DNAH9: variants seen among roughly 807,000 people sequenced by gnomAD.
DNAH9 encodes the protein DNAH9 variant protein.
DNAH9 carries 345 observed loss-of-function variants against 471.6 expected under a neutral mutation model. That is an observed-to-expected ratio of 0.73 (90% CI 0.67 to 0.80). The LOEUF (loss-of-function observed/expected upper bound fraction) is 0.80. Among genes scored for constraint, DNAH9 ranks in the 30% least tolerant of loss-of-function variants. The pLI is 0.00. For missense variants in DNAH9, 5,407 were observed against 5,609.2 expected, an observed-to-expected ratio of 0.96 and a Z score of 1.15; for synonymous variants, 2,093 against 2,123.6, an observed-to-expected ratio of 0.99 and a Z score of 0.40.
chr17:11,810,294 A>G lies in DNAH9; in HGVS notation c.8632A>G (p.Thr2878Ala). The G allele has an allele frequency of 6.2e-7, 1 of 1,613,852 alleles. No individual in the cohort carries two copies. The highest frequency in any genetic ancestry group is 1.1e-5 in the South Asian group (1 of 90,986). Reference sequence around the variant, plus strand: ...GAAAGCTGGAGTGAAGAATCTCAACACAGTGTTTCTCATGACTGATGCCCA... The same window carrying G: ...GAAAGCTGGAGTGAAGAATCTCAACGCAGTGTTTCTCATGACTGATGCCCA... The part of the protein sequence containing the change: ...CLKAGVKNLN[T>A]VFLMTDAQVA... Residue 2878 changes from threonine (T) to alanine (A), a missense_variant, in exon 45 of 69, where the codon ACA becomes GCA. Thr to Ala is a moderately conservative substitution (Grantham distance 58). Transcript: ENST00000262442.
At chr17:11,599,798 C>T (rs1271675870) in intron 1 of DNAH9, among the ~76,000 whole-genome samples, 2 of 152,196 alleles carry the variant, frequency 1.3e-5, no homozygotes, top group Non-Finnish European at 2.9e-5. Flanking sequence ...GGGCAGAATA[C>T]TGGCTGTATG....
At chr17:11,842,585 A>G (rs975604053) in intron 49 of DNAH9, among the ~76,000 whole-genome samples, 49 of 152,296 alleles carry the variant, frequency 3.2e-4, no homozygotes, top group African/African-American at 1.1e-3. Context: ...GTCTGTGGCC[A>G]AGGGCCTGAG....
intron 1 of DNAH9, among the ~76,000 whole-genome samples, chr17:11,604,734 A>C (rs6502158): frequency 0.052 from 7,831 of 152,008 alleles, 663 homozygotes; most frequent in African/African-American, 0.18. Flanking sequence ...CAATTTGTTA[A>C]CACATCCTAT....
At chr17:11,815,235 A>G (rs1443218314) in intron 45 of DNAH9, among the ~76,000 whole-genome samples, 3 of 151,990 alleles carry the variant, frequency 2.0e-5, no homozygotes, top group Non-Finnish European at 4.4e-5. Flanking sequence ...GTCCTATACA[A>G]GTTACTCAAG....
intron 28 of DNAH9, among the ~76,000 whole-genome samples, chr17:11,729,273 C>T (rs1056128582): frequency 6.6e-6 from 1 of 152,108 alleles, no homozygotes; most frequent in Non-Finnish European, 1.5e-5. Flanking sequence ...TTCTATTCCA[C>T]ATGCCTCCCT....
intron 19 of DNAH9, among the ~76,000 whole-genome samples, chr17:11,684,916 C>T (rs914418350): frequency 6.6e-6 from 1 of 152,166 alleles, no homozygotes; most frequent in Non-Finnish European, 1.5e-5. Flanking sequence ...AGAGACATAT[C>T]GGTTTCCTAA....
intron 5 of DNAH9, among the ~76,000 whole-genome samples, chr17:11,619,088 G>C (rs1240633399): frequency 6.6e-6 from 1 of 152,254 alleles, no homozygotes; most frequent in African/African-American, 2.4e-5. Context: ...GATGATGTCA[G>C]CCAGACCCAG....
intron 55 of DNAH9, among the ~76,000 whole-genome samples, chr17:11,883,339 T>G (rs1224206281): frequency 6.6e-6 from 1 of 152,138 alleles, no homozygotes; most frequent in Non-Finnish European, 1.5e-5. Context: ...ACAGAAATCC[T>G]AAAAGTTGGG....
intron 27 of DNAH9, among the ~76,000 whole-genome samples, chr17:11,724,882 T>C (rs2075125053): frequency 2.0e-5 from 3 of 152,222 alleles, no homozygotes; most frequent in African/African-American, 7.2e-5. Flanking sequence ...CAACTCACCA[T>C]CATGTAGAAT....
chr17:11,889,832 G>A (rs568190766), intron 57 of DNAH9, among the ~76,000 whole-genome samples: 6 of 152,232 alleles, frequency 3.9e-5, no homozygotes, highest in South Asian at 4.2e-4. Flanking sequence ...TACAAAAGCC[G>A]ATGAGTATAT....
chr17:11,652,279 G>GTTT (rs1192460505), intron 13 of DNAH9, among the ~76,000 whole-genome samples: 1 of 72,952 alleles, frequency 1.4e-5, no homozygotes, highest in African/African-American at 5.1e-5. Context: ...GTAAGGGTAG[G>GTTT]CTTTTTTTTT....
At chr17:11,781,847 AC>A (rs772939041) in intron 39 of DNAH9, among the ~76,000 whole-genome samples, 12,347 of 142,252 alleles carry the variant, frequency 0.087, 1,008 homozygotes, top group African/African-American at 0.13. Flanking sequence ...AAAAAAACAA[AC>A]AAAAAAAAAA....
chr17:11,783,089 C>T (rs1022649788), intron 39 of DNAH9, among the ~76,000 whole-genome samples: 2 of 152,124 alleles, frequency 1.3e-5, no homozygotes, highest in Non-Finnish European at 2.9e-5. Flanking sequence ...CCAAGAAATC[C>T]TTTGCAAGCT....
intron 61 of DNAH9, among the ~76,000 whole-genome samples, chr17:11,918,940 C>T (rs1045951042): frequency 1.3e-5 from 2 of 151,892 alleles, no homozygotes; most frequent in Admixed American, 6.5e-5. Context: ...GAGCTGAGAT[C>T]GTGCCACTGC....
intron 28 of DNAH9, among the ~76,000 whole-genome samples, chr17:11,738,498 A>G (rs2150830909): frequency 6.6e-6 from 1 of 152,274 alleles, no homozygotes; most frequent in Admixed American, 6.5e-5. Flanking sequence ...CTCCTGCCTC[A>G]GCCTCCCGAG....
chr17:11,604,387 A>G (rs1417903645), intron 1 of DNAH9, among the ~76,000 whole-genome samples: 2 of 151,544 alleles, frequency 1.3e-5, no homozygotes, highest in East Asian at 1.9e-4. Flanking sequence ...TCTTCTCTCT[A>G]TATACACCCA....
chr17:11,900,594 T>C (rs1376346960), intron 59 of DNAH9, among the ~76,000 whole-genome samples: 1 of 152,024 alleles, frequency 6.6e-6, no homozygotes, highest in African/African-American at 2.4e-5. Context: ...CCTCATCTTC[T>C]TTTTCCCTAA....
intron 19 of DNAH9, among the ~76,000 whole-genome samples, chr17:11,682,347 GT>G (rs2074147856): frequency 6.6e-6 from 1 of 152,024 alleles, no homozygotes; most frequent in African/African-American, 2.4e-5. Context: ...AACTCCTTGG[GT>G]TCAAGCAATC....
At chr17:11,931,199 C>T (rs768311036) in intron 63 of DNAH9, among the ~76,000 whole-genome samples, 12 of 152,314 alleles carry the variant, frequency 7.9e-5, no homozygotes, top group African/African-American at 2.2e-4. Context: ...TGCCACACCA[C>T]GCCTGGGTGG....
Sources: allele counts gnomAD v4.1 joint callset (sites outside exome capture counted in the v4.1 genomes callset), GRCh38; gene constraint gnomAD v4.1.1; transcripts MANE v1.5; gene names NCBI Gene and HGNC (gene_info 2026-07-23, HGNC 2026-07-21).